The following NFATC3 variants were observed in gnomAD, a reference collection of about 807,000 sequenced individuals.
The protein encoded by NFATC3 is nuclear factor of activated T cells 3.
Under a neutral mutation model 98.6 loss-of-function variants are expected in NFATC3, and 46 were observed. That is an observed-to-expected ratio of 0.47 (90% CI 0.37 to 0.60). NFATC3 has a LOEUF of 0.60. Ranked by LOEUF, NFATC3 falls within the 20% of genes least tolerant of loss-of-function variation. NFATC3 has a pLI of 0.00. For synonymous variants in NFATC3, 512 were observed against 472.2 expected (o/e 1.08, Z -1.09); for missense variants, 1,256 against 1,295.5 (o/e 0.97, Z 0.47).
chr16:68,126,301 T>A (rs2036831934), intron 2 of NFATC3, 147 bp from the exon 3 acceptor site: 1 of 625,288 alleles, frequency 1.6e-6, no homozygotes, highest in Admixed American at 3.0e-5. Context: ...ATAACCAGAA[T>A]TGTAACTTAC....
chr16:68,138,090 A>G (rs1182819310), intron 3 of NFATC3, among the ~76,000 whole-genome samples: 1 of 151,820 alleles, frequency 6.6e-6, no homozygotes, highest in Non-Finnish European at 1.5e-5. Flanking sequence ...GCTAGAGTGC[A>G]GTGGCCCACA....
At chr16:68,202,591 C>T (rs537514875) in intron 9 of NFATC3, among the ~76,000 whole-genome samples, 5 of 152,242 alleles carry the variant, frequency 3.3e-5, no homozygotes, top group Non-Finnish European at 5.9e-5. Flanking sequence ...GCAGGTAGAT[C>T]GCCTGAGGTC....
At chr16:68,120,866 C>G (rs771847253) in intron 1 of NFATC3, among the ~76,000 whole-genome samples, 2 of 152,100 alleles carry the variant, frequency 1.3e-5, no homozygotes, top group Non-Finnish European at 2.9e-5. Context: ...AGGTCATATT[C>G]AAAATCTGGA....
intron 3 of NFATC3, among the ~76,000 whole-genome samples, chr16:68,153,832 C>G (rs1002945375): frequency 6.6e-6 from 1 of 152,002 alleles, no homozygotes; most frequent in Non-Finnish European, 1.5e-5. Context: ...CCAGGATGGT[C>G]TCGATCTCCT....
rs754234310 is a variant in NFATC3 at position 68,191,685 on chromosome 16, G to C, written c.3016G>C (p.Asp1006His). The change falls in exon 9 of 10, where the codon GAT (aspartate) becomes CAT (histidine). Residue 1006 changes from aspartate (D) to histidine (H), a missense_variant. Asp to His is a moderately conservative substitution (Grantham distance 81). Transcript: ENST00000346183. ...GTGTGATCCAGCGTCATTTCCACCT[G>C]ATGGGGCAACTGTGAGCATTAAACC... ...SLCDPASFPPDGATVSIKPEP... is the reference protein window; with the variant it reads ...SLCDPASFPPHGATVSIKPEP... The C allele has an allele frequency of 1.9e-6, 3 of 1,614,128 alleles. No homozygotes were observed. The East Asian group carries it at 6.7e-5, about 36-fold the overall frequency.
intron 2 of NFATC3, among the ~76,000 whole-genome samples, chr16:68,125,247 C>T (rs1044400444): frequency 1.3e-5 from 2 of 152,112 alleles, no homozygotes; most frequent in Non-Finnish European, 2.9e-5. Context: ...TCCTTGAATT[C>T]ACAGGAGTAG....
intron 3 of NFATC3, among the ~76,000 whole-genome samples, chr16:68,151,308 A>T (rs1178470240): frequency 3.9e-5 from 6 of 152,226 alleles, no homozygotes; most frequent in Non-Finnish European, 7.3e-5. Context: ...GTAGTTGGAC[A>T]CTTAACACCT....
intron 1 of NFATC3, among the ~76,000 whole-genome samples, chr16:68,088,417 T>C (rs1312123909): frequency 1.4e-5 from 2 of 145,408 alleles, no homozygotes; most frequent in African/African-American, 2.5e-5. Context: ...ATGTATTATA[T>C]ACATTATATA....
In NFATC3 at chr16:68,191,277, C is replaced by T. The variant is rs760603393; in HGVS notation, c.2608C>T (p.Pro870Ser). 1 of 1,614,190 alleles carries T rather than the reference C, an allele frequency of 6.2e-7. No homozygotes were observed. Among genetic ancestry groups the T allele is most frequent in the South Asian group, 1.1e-5 (1 of 91,086 alleles). The change falls in exon 9 of 10, where the codon CCT (proline) becomes TCT (serine). Residue 870 changes from proline (P) to serine (S), a missense_variant. Pro to Ser is a moderately conservative substitution (Grantham distance 74, BLOSUM62 -1). Transcript: ENST00000346183. ...GSTGHLLAHT[P>S]HSVHTLPHLQ... ...AACAGGACATCTCTTAGCCCATACA[C>T]CTCATTCTGTGCATACCCTGCCTCA...
intron 9 of NFATC3, chr16:68,200,578 G>T (rs1477556165): frequency 6.6e-6 from 1 of 152,084 alleles, no homozygotes; most frequent in Admixed American, 6.6e-5. Context: ...TCCTTTGGGG[G>T]TTACAACAGC....
intron 1 of NFATC3, among the ~76,000 whole-genome samples, chr16:68,103,666 T>A (rs2035488458): frequency 6.6e-6 from 1 of 152,248 alleles, no homozygotes; most frequent in Non-Finnish European, 1.5e-5. Flanking sequence ...CTAAGAGTTT[T>A]ATGCTTTTAG....
At chr16:68,184,294 G>T (rs2040076167) in intron 8 of NFATC3, among the ~76,000 whole-genome samples, 1 of 152,156 alleles carries the variant, frequency 6.6e-6, no homozygotes, top group Non-Finnish European at 1.5e-5. Flanking sequence ...ATGGGCCTTA[G>T]AGGGGAGAAG....
intron 8 of NFATC3, among the ~76,000 whole-genome samples, chr16:68,190,480 C>A (rs1293357016): frequency 1.3e-5 from 2 of 152,312 alleles, no homozygotes; most frequent in East Asian, 3.9e-4. Context: ...CTTCCTAATT[C>A]TGTCGCTTAG....
At chr16:68,217,991 T>C in intron 9 of NFATC3, 1 of 1,190,024 alleles carries the variant, frequency 8.4e-7, no homozygotes. Flanking sequence ...ATAGATACCT[T>C]CTAAATTTTC....
rs532498636 is a variant in NFATC3, at chr16:68,089,010, C to T, written c.103+3226C>T. ...AATAAATAACACCTAAGTTTTGAAT[C>T]ATTGCTCACTGCTCTTTCGTGGTAG... On this transcript the variant is annotated intron_variant, in intron 1 of 9. Coordinates refer to ENST00000346183, the MANE Select transcript of NFATC3 (RefSeq NM_173165.3). 7.1e-6 allele frequency: 7 copies of T among 985,424 alleles called. No individual in the cohort carries two copies. In the South Asian group the frequency reaches 3.3e-4, roughly 46 times the overall value. 61.0% of individuals were successfully genotyped at this position (985,424 alleles called of 1,614,324 possible).
intron 9 of NFATC3, among the ~76,000 whole-genome samples, chr16:68,209,977 G>A (rs1236782567): frequency 7.5e-6 from 1 of 132,700 alleles, no homozygotes; most frequent in African/African-American, 3.4e-5. Context: ...ACCAGCCTGG[G>A]CAACATGAAA....
chr16:68,182,718 C>T (rs1310208721), intron 7 of NFATC3, among the ~76,000 whole-genome samples: 1 of 151,932 alleles, frequency 6.6e-6, no homozygotes, highest in Admixed American at 6.6e-5. Context: ...AGGGTTTTAA[C>T]ATGTTGGCCA....
At chr16:68,223,715 T>C (rs2041945380) in intron 9 of NFATC3, among the ~76,000 whole-genome samples, 1 of 151,506 alleles carries the variant, frequency 6.6e-6, no homozygotes, top group Non-Finnish European at 1.5e-5. Flanking sequence ...GCCAAGATGG[T>C]GAAACCCTGT....
chr16:68,085,565 T>C lies in NFATC3; in HGVS notation c.-117T>C. 1 of 857,694 alleles carries C rather than the reference T, an allele frequency of 1.2e-6. No individual in the cohort carries two copies. Among genetic ancestry groups the C allele is most frequent in the Non-Finnish European group, 1.7e-6 (1 of 602,470 alleles). The allele number at this position is 857,694 out of a possible 1,614,324, so 53.1% of individuals were successfully genotyped here. The stretch of plus-strand genomic sequence containing the variant: ...CCCGCCCGGAAAGTTTGCCGTGGAG[T>C]CGCGACCTCTTGGCCCGCGCGGCCC... On this transcript the variant is annotated 5_prime_UTR_variant, in exon 1 of 10. Transcript: ENST00000346183.
Sources: gnomAD v4.1 joint callset for allele counts (sites outside exome capture counted in the v4.1 genomes callset) on GRCh38, gnomAD v4.1.1 for gene constraint, MANE v1.5 for transcripts, NCBI Gene and HGNC (gene_info 2026-07-23, HGNC 2026-07-21) for gene names.